NRXN3: variants seen among roughly 807,000 people sequenced by gnomAD.
NRXN3 encodes the protein neurexin III.
NRXN3 carries 32 observed loss-of-function variants against 137.6 expected under a neutral mutation model. That is an observed-to-expected ratio of 0.23 (90% CI 0.18 to 0.31). The LOEUF (loss-of-function observed/expected upper bound fraction) is 0.31, where lower values mean the gene tolerates loss of function less well. Ranked by LOEUF, NRXN3 falls within the 10% of genes least tolerant of loss-of-function variation. The pLI is 1.00. For synonymous variants in NRXN3, 798 were observed against 784.5 expected, an observed-to-expected ratio of 1.02 and a Z score of -0.29; for missense variants, 1,574 against 2,062.5, an observed-to-expected ratio of 0.76 and a Z score of 4.59.
intron 15 of NRXN3, among the ~76,000 whole-genome samples, chr14:79,265,231 CTT>C (rs936690790): frequency 2.0e-3 from 187 of 91,874 alleles, no homozygotes; most frequent in African/African-American, 5.5e-3. Flanking sequence ...GGGGGTTGCT[CTT>C]TTTTTTTTTT....
At chr14:79,676,324 A>G (rs1174682016) in intron 17 of NRXN3, among the ~76,000 whole-genome samples, 2 of 137,852 alleles carry the variant, frequency 1.5e-5, no homozygotes, top group Non-Finnish European at 3.0e-5. Context: ...AGTATTTAAA[A>G]TAAATTTTGA....
intron 4 of NRXN3, among the ~76,000 whole-genome samples, chr14:78,609,625 A>T (rs2097282639): frequency 6.6e-6 from 1 of 152,172 alleles, no homozygotes; most frequent in Admixed American, 6.5e-5. Context: ...CAGCATTCTC[A>T]TCTGTTGAAT....
intron 6 of NRXN3, among the ~76,000 whole-genome samples, chr14:78,685,577 A>G (rs1372575689): frequency 6.6e-6 from 1 of 150,842 alleles, no homozygotes; most frequent in Non-Finnish European, 1.5e-5. Context: ...TCATTACTCA[A>G]ATGTCTGTAT....
At chr14:78,171,788 AT>A (rs1452463032) in intron 1 of NRXN3, among the ~76,000 whole-genome samples, 1 of 152,104 alleles carries the variant, frequency 6.6e-6, no homozygotes, top group African/African-American at 2.4e-5. Context: ...GCCTCTTTTA[AT>A]TTGGATGTAG....
chr14:79,706,198 T>A (rs1442622441), intron 19 of NRXN3, among the ~76,000 whole-genome samples: 1 of 152,172 alleles, frequency 6.6e-6, no homozygotes, highest in African/African-American at 2.4e-5. Context: ...TTATTTTTGT[T>A]AGCTTCCAGT....
chr14:79,055,674 G>C (rs2099658925), intron 15 of NRXN3, among the ~76,000 whole-genome samples: 1 of 152,092 alleles, frequency 6.6e-6, no homozygotes, highest in Non-Finnish European at 1.5e-5. Context: ...AAAAACTAAA[G>C]GATGCTGTGG....
intron 16 of NRXN3, among the ~76,000 whole-genome samples, chr14:79,509,062 G>T (rs2096907173): frequency 6.6e-6 from 1 of 152,036 alleles, no homozygotes; most frequent in Admixed American, 6.6e-5. Flanking sequence ...GGTTCTGGTG[G>T]CACGGACCTG....
intron 6 of NRXN3, among the ~76,000 whole-genome samples, chr14:78,700,641 T>G (rs2098269229): frequency 6.6e-6 from 1 of 152,180 alleles, no homozygotes; most frequent in South Asian, 2.1e-4. Context: ...AAGTTCTTAT[T>G]TGTTAACTTA....
At chr14:79,451,181 A>C (rs1246189070) in intron 15 of NRXN3, among the ~76,000 whole-genome samples, 2 of 152,010 alleles carry the variant, frequency 1.3e-5, no homozygotes, top group African/African-American at 4.8e-5. Context: ...GAAAAAAAAA[A>C]AAAAAAGCTC....
intron 2 of NRXN3, among the ~76,000 whole-genome samples, chr14:78,244,434 GAAAA>G (rs1248151604): frequency 1.5e-4 from 17 of 110,874 alleles, no homozygotes; most frequent in Non-Finnish European, 2.5e-4. Context: ...TCTCAAAAAA[GAAAA>G]AAAAAAAAAA....
At chr14:79,597,829 A>C (rs1288226929) in intron 16 of NRXN3, among the ~76,000 whole-genome samples, 1 of 152,190 alleles carries the variant, frequency 6.6e-6, no homozygotes, top group Non-Finnish European at 1.5e-5. Flanking sequence ...TGAACCAGAC[A>C]TGGTGTTTGC....
At chr14:78,760,097 A>G (rs113394535) in intron 8 of NRXN3, among the ~76,000 whole-genome samples, 9,420 of 135,760 alleles carry the variant, frequency 0.069, 454 homozygotes, top group East Asian at 0.15. Flanking sequence ...GCTGGAGTGC[A>G]ACGGAACAAT....
At chr14:79,212,524 TC>T (rs1393253721) in intron 15 of NRXN3, among the ~76,000 whole-genome samples, 1 of 152,172 alleles carries the variant, frequency 6.6e-6, no homozygotes, top group Non-Finnish European at 1.5e-5. Flanking sequence ...TCTTCCCTGT[TC>T]CCATCTGCTC....
intron 15 of NRXN3, among the ~76,000 whole-genome samples, chr14:79,227,573 G>T (rs1244706497): frequency 6.6e-6 from 1 of 152,050 alleles, no homozygotes; most frequent in Non-Finnish European, 1.5e-5. Context: ...ATTTGTCAAG[G>T]GGTTTCATTT....
intron 19 of NRXN3, among the ~76,000 whole-genome samples, chr14:79,767,339 T>C (rs747420356): frequency 1.3e-5 from 2 of 152,212 alleles, no homozygotes; most frequent in Non-Finnish European, 2.9e-5. Flanking sequence ...AAATCCTCTT[T>C]TCTTCCTGCC....
chr14:78,273,451 C>G (rs1447404319), intron 2 of NRXN3, among the ~76,000 whole-genome samples: 1 of 152,130 alleles, frequency 6.6e-6, no homozygotes, highest in African/African-American at 2.4e-5. Context: ...AAAATCAACC[C>G]CAAACCTTTC....
At chr14:79,168,438 T>C (rs1024611364) in intron 15 of NRXN3, among the ~76,000 whole-genome samples, 2 of 152,092 alleles carry the variant, frequency 1.3e-5, no homozygotes, top group Non-Finnish European at 2.9e-5. Flanking sequence ...ATTTACCATT[T>C]TCTATGAAAG....
chr14:79,209,856 A>G (rs2067379798), intron 15 of NRXN3, among the ~76,000 whole-genome samples: 1 of 152,182 alleles, frequency 6.6e-6, no homozygotes, highest in Non-Finnish European at 1.5e-5. Context: ...CACAGCTATT[A>G]GTCTGTAGTA....
At chr14:78,564,138 A>G (rs1045339538) in intron 4 of NRXN3, among the ~76,000 whole-genome samples, 1 of 152,210 alleles carries the variant, frequency 6.6e-6, no homozygotes, top group Non-Finnish European at 1.5e-5. Context: ...AAAAAATCCT[A>G]GTGAATAGCA....
Sources: allele counts gnomAD v4.1 joint callset (sites outside exome capture counted in the v4.1 genomes callset), GRCh38; gene constraint gnomAD v4.1.1; transcripts MANE v1.5; gene names NCBI Gene and HGNC (gene_info 2026-07-23, HGNC 2026-07-21).